ANK1: variants seen among roughly 807,000 people sequenced by gnomAD.
ANK1 encodes ankyrin-1.
ANK1 carries 51 observed loss-of-function variants against 210.4 expected under a neutral mutation model. The observed-to-expected ratio is 0.24, with a 90% CI of 0.19 to 0.31. The LOEUF (loss-of-function observed/expected upper bound fraction) is 0.31. Among genes scored for constraint, ANK1 ranks in the 10% least tolerant of loss-of-function variants. The pLI is 1.00. For synonymous variants in ANK1, 967 were observed against 1,025.9 expected (o/e 0.94, Z 1.10); for missense variants, 2,051 against 2,504.4 (o/e 0.82, Z 3.86).
At chr8:41,693,444 TTTTTTTTTTTG>T (rs1417362060) in intron 29 of ANK1, among the ~76,000 whole-genome samples, 16 of 43,158 alleles carry the variant, frequency 3.7e-4, no homozygotes, top group African/African-American at 1.2e-3. Flanking sequence ...TTTTTTTTTT[TTTTTTTTTTTG>T]AGATGGCGTT....
intron 1 of ANK1, among the ~76,000 whole-genome samples, chr8:41,868,218 C>T (rs528426294): frequency 1.3e-5 from 2 of 152,344 alleles, no homozygotes; most frequent in Admixed American, 6.5e-5. Flanking sequence ...TTCTCAACCT[C>T]AGCACTATTG....
In ANK1 at chr8:41,661,410, G is replaced by A. The variant is rs1178977705; in HGVS notation, c.*36+20C>T. ...ACTGAAGACCAGGCCATGCAGAGGG[G>A]ATGAGAAGGGCAGCGTTACCTCCCG... On this transcript the variant is annotated intron_variant, in intron 42 of 42. Transcript: ENST00000289734. 1.9e-6 allele frequency: 3 copies of A among 1,613,432 alleles called. No individual in the cohort carries two copies. Among genetic ancestry groups the A allele is most frequent in the Non-Finnish European group, 2.5e-6 (3 of 1,179,946 alleles).
intron 1 of ANK1, among the ~76,000 whole-genome samples, chr8:41,769,190 T>A (rs1842503626): frequency 6.6e-6 from 1 of 152,138 alleles, no homozygotes; most frequent in Admixed American, 6.5e-5. Flanking sequence ...AAGATGACAA[T>A]GTGAGAATTC....
At chr8:41,817,012 TG>T (rs1246730348) in intron 1 of ANK1, among the ~76,000 whole-genome samples, 7 of 152,198 alleles carry the variant, frequency 4.6e-5, no homozygotes, top group Admixed American at 3.9e-4. Flanking sequence ...ATCTGGCAAA[TG>T]GGACCAGTGA....
intron 37 of ANK1, 56 bp downstream of exon 37, chr8:41,684,488 G>T: frequency 6.2e-7 from 1 of 1,607,154 alleles, no homozygotes; most frequent in South Asian, 1.1e-5. Context: ...TATTGGTGCT[G>T]ATGCCTGTAG....
chr8:41,751,141 T>C (rs1024073534), intron 2 of ANK1, among the ~76,000 whole-genome samples: 1 of 152,242 alleles, frequency 6.6e-6, no homozygotes, highest in Non-Finnish European at 1.5e-5. Context: ...AAAGTATTTT[T>C]GTATTGCTAT....
At chr8:41,770,735 G>C (rs948954209) in intron 1 of ANK1, among the ~76,000 whole-genome samples, 1 of 152,254 alleles carries the variant, frequency 6.6e-6, no homozygotes, top group Non-Finnish European at 1.5e-5. Context: ...GTCAGGCAAG[G>C]CCCAAGAGGA....
intron 1 of ANK1, among the ~76,000 whole-genome samples, chr8:41,782,928 T>C (rs1458706707): frequency 2.0e-5 from 3 of 152,230 alleles, no homozygotes; most frequent in Non-Finnish European, 4.4e-5. Flanking sequence ...TATAGGCGTT[T>C]CTAAAATATC....
chr8:41,886,784 C>G (rs939612734), intron 1 of ANK1, among the ~76,000 whole-genome samples: 9 of 152,128 alleles, frequency 5.9e-5, no homozygotes, highest in African/African-American at 2.2e-4. Context: ...AGGGAGGAAG[C>G]CTGGTTAACC....
In ANK1 at chr8:41,885,064, GA is replaced by G. The variant is rs538441723; in HGVS notation, c.126+11290del. 5.8e-4 allele frequency among the ~76,000 whole-genome samples: 84 copies of G among 144,760 alleles called. 1 individual carries two copies. In the South Asian group the frequency reaches 7.1e-3, roughly 12 times the overall value. 95.0% of individuals were successfully genotyped at this position (144,760 alleles called of 152,430 possible). ...AGTGACAACTATCACATTTGTGTTT[GA>G]AAAAAAAAAAGGGGCTCTCGCTGCA... is the stretch of plus-strand genomic sequence containing the variant. On this transcript the variant is annotated intron_variant, in intron 1 of 42. Transcript: ENST00000265709.
rs927672765 is a variant in ANK1 at position 41,753,144 on chromosome 8, C to A, written c.129+4892G>T. On this transcript the variant is annotated intron_variant, in intron 2 of 42. Coordinates refer to ENST00000289734, the MANE Select transcript of ANK1 (RefSeq NM_000037.4). ...GTGGCTCGATCTCGGCTCACCACAA[C>A]CTCTGCCTCTTGGGTTCAAGAGATT... Among the ~76,000 whole-genome samples, 3 of 149,410 alleles carry A rather than the reference C, an allele frequency of 2.0e-5. No individual in the cohort carries two copies. The South Asian group carries it at 6.4e-4, about 32-fold the overall frequency.
intron 2 of ANK1, among the ~76,000 whole-genome samples, chr8:41,743,862 T>G (rs1835399304): frequency 6.6e-6 from 1 of 152,200 alleles, no homozygotes; most frequent in Non-Finnish European, 1.5e-5. Context: ...GACTCATGTA[T>G]GCATACACGC....
chr8:41,665,474 C>T (rs1238802083), intron 39 of ANK1: 2 of 354,736 alleles, frequency 5.6e-6, no homozygotes, highest in African/African-American at 4.3e-5. Flanking sequence ...CGGCCTCTCA[C>T]CTATCCTGCC....
intron 1 of ANK1, among the ~76,000 whole-genome samples, chr8:41,893,591 C>T (rs989623562): frequency 5.9e-5 from 9 of 152,190 alleles, no homozygotes; most frequent in South Asian, 4.1e-4. Flanking sequence ...TTTCTACAAA[C>T]GGGAGGGATG....
chr8:41,803,078 A>AGGAAGGAAGGAAGGGAAGGGAAGGGAAG (rs1554630992), intron 1 of ANK1, among the ~76,000 whole-genome samples: 1 of 74,958 alleles, frequency 1.3e-5, no homozygotes, highest in Non-Finnish European at 2.6e-5. Context: ...GAAGGAAGGA[A>AGGAAGGAAGGAAGGGAAGGGAAGGGAAG]GGAAGGGAAG....
intron 17 of ANK1, among the ~76,000 whole-genome samples, chr8:41,706,689 A>G (rs1824676479): frequency 6.6e-6 from 1 of 152,206 alleles, no homozygotes; most frequent in African/African-American, 2.4e-5. Flanking sequence ...TGAATTTCAG[A>G]GCCCTGTAGC....
At chr8:41,788,388 T>G (rs1188929042) in intron 1 of ANK1, among the ~76,000 whole-genome samples, 1 of 152,166 alleles carries the variant, frequency 6.6e-6, no homozygotes, top group Non-Finnish European at 1.5e-5. Flanking sequence ...ACCAGACACC[T>G]GTGAGGTGCA....
chr8:41,751,550 C>T (rs1233599099), intron 2 of ANK1, among the ~76,000 whole-genome samples: 1 of 152,188 alleles, frequency 6.6e-6, no homozygotes, highest in African/African-American at 2.4e-5. Flanking sequence ...TGTGGCTGCT[C>T]TAGCTGGAAG....
chr8:41,747,344 G>A (rs1836446751), intron 2 of ANK1, among the ~76,000 whole-genome samples: 1 of 152,038 alleles, frequency 6.6e-6, no homozygotes, highest in East Asian at 1.9e-4. Context: ...GGCCCAGACC[G>A]AGTGTCATTT....
Sources: gnomAD v4.1 joint callset for allele counts (sites outside exome capture counted in the v4.1 genomes callset) on GRCh38, gnomAD v4.1.1 for gene constraint, MANE v1.5 for transcripts, NCBI Gene and HGNC (gene_info 2026-07-23, HGNC 2026-07-21) for gene names.